The following IGFALS variants were observed in gnomAD, a reference collection of about 807,000 sequenced individuals.
The protein encoded by IGFALS is insulin-like growth factor-binding protein complex acid labile subunit.
In IGFALS, 2 loss-of-function variants were observed where a neutral mutation model predicts 2.6. The observed-to-expected ratio is 0.77, with a 90% CI of 0.32 to 2.44. The LOEUF is 2.44. Among genes scored for constraint, IGFALS ranks in the 30% most tolerant of loss-of-function variants. IGFALS has a pLI of 0.11. For synonymous variants in IGFALS, 519 were observed against 431.9 expected, an observed-to-expected ratio of 1.20 and a Z score of -2.50; for missense variants, 996 against 848.7, an observed-to-expected ratio of 1.17 and a Z score of -2.16.
Position 1,791,496 on chromosome 16 carries a change from G to C in IGFALS, c.922C>G (p.Arg308Gly). 6.2e-7 allele frequency: 1 copy of C among 1,609,916 alleles called. No individual in the cohort carries two copies. Among genetic ancestry groups the C allele is most frequent in the Non-Finnish European group, 8.5e-7 (1 of 1,178,906 alleles). Residue 308 changes from arginine (R) to glycine (G), a missense_variant, in exon 2 of 2, where the codon CGC (arginine) becomes GGC (glycine). By Grantham distance (125) the Arg-to-Gly change is moderately radical. Transcript: ENST00000215539. ...SHNAIASLRP[R>G]TFKDLHFLEE... ...AGGAAGTGCAGGTCCTTGAAGGTGC[G>C]GGGCCGCAGGCTGGCGATGGCGTTG...
chr16:1,792,515 G>T, intron 1 of IGFALS, 114 bp from the exon 2 acceptor site: 2 of 1,432,700 alleles, frequency 1.4e-6, no homozygotes, highest in Non-Finnish European at 9.1e-7. Flanking sequence ...GAGGTCACCC[G>T]CTGAGATGCG....
At chr16:1,794,207 GA>G (rs1423505463), upstream of IGFALS, among the ~76,000 whole-genome samples, 3 of 152,142 alleles carry the variant, frequency 2.0e-5, no homozygotes, top group Non-Finnish European at 4.4e-5. Context: ...GCCTGGGTGG[GA>G]GCTGCCGTTT....
Position 1,791,628 on chromosome 16 carries a change from C to T in IGFALS, c.790G>A (p.Gly264Ser). Residue 264 changes from glycine (G) to serine (S), a missense_variant, in exon 2 of 2, where the codon GGC (glycine) becomes AGC (serine). Transcript: ENST00000215539. ...IAAVAPGAFL[G>S]LKALRWLDLS... is the part of the protein sequence containing the mutation. ...TCCAGCCATCGCAGCGCCTTCAGGC[C>T]CAGGAAGGCGCCCGGGGCCACGGCA... is the stretch of plus-strand genomic sequence containing the variant. The T allele has an allele frequency of 6.4e-7, 1 of 1,574,312 alleles. No individual in the cohort carries two copies.
chr16:1,794,753 GGAAGGGGTGCAGGCGGGGGCACAGCCA>G, upstream of IGFALS: 1 of 682,866 alleles, frequency 1.5e-6, no homozygotes, highest in East Asian at 2.7e-5. Flanking sequence ...GGAAGCAGCC[GGAAGGGGTGCAGGCGGGGGCACAGCCA>G]GGGCTCGGGG....
upstream of IGFALS, chr16:1,794,711 C>T: frequency 1.6e-6 from 1 of 626,566 alleles, no homozygotes; most frequent in South Asian, 1.8e-5. Flanking sequence ...GGGGCCTGCC[C>T]ACCAGTCCCT....
rs1567243083 is a variant in IGFALS, at chr16:1,793,640, T to C, written c.13A>G (p.Lys5Glu). The C allele has an allele frequency of 6.3e-7, 1 of 1,596,592 alleles. No homozygotes were observed. The highest frequency in any genetic ancestry group is 8.5e-7 in the Non-Finnish European group (1 of 1,171,332). Residue 5 changes from lysine (K) to glutamate (E), a missense_variant, in exon 1 of 2, where the codon AAA becomes GAA. Lys to Glu is a moderately conservative substitution (Grantham distance 56). Coordinates refer to ENST00000215539, the MANE Select transcript of IGFALS (RefSeq NM_004970.3). ...GCGGGGCACTCGGGGGCCTCACCTT[T>C]CCTCAGGGCCATCCTGCATGCAGGG... MALRKGGLALALLLL... is the reference protein window; with the variant it reads MALREGGLALALLLL...
rs778369153 is a variant in IGFALS, at chr16:1,790,903, C to T, written c.1515G>A (p.Leu505=). The T allele has an allele frequency of 6.3e-7, 1 of 1,582,358 alleles. No individual in the cohort carries two copies. The highest frequency in any genetic ancestry group is 8.5e-7 in the Non-Finnish European group (1 of 1,169,752). The change falls in exon 2 of 2, where the codon CTG becomes CTA. Residue 505 remains leucine, a synonymous_variant. Transcript: ENST00000215539. ...EALPNSLLAP[L]GRLRYLSLRN... ...TGAGGCTGAGGTAGCGCAGCCGCCC[C>T]AGTGGTGCCAAGAGGCTGTTGGGCA...
At position 1,791,642 on chromosome 16, in the gene IGFALS, G is replaced by A. The variant is rs369236109; in HGVS notation, c.776C>T (p.Pro259Leu). The A allele has an allele frequency of 2.7e-5, 43 of 1,579,084 alleles. No individual in the cohort carries two copies. Among genetic ancestry groups the A allele is most frequent in the Admixed American group, 5.4e-5 (3 of 55,490 alleles). The change falls in exon 2 of 2, where the codon CCG becomes CTG. Residue 259 changes from proline to leucine, a missense_variant. By Grantham distance (98) the Pro-to-Leu change is moderately conservative (BLOSUM62 -3). Coordinates refer to ENST00000215539, the MANE Select transcript of IGFALS (RefSeq NM_004970.3). ...LDRNLIAAVAPGAFLGLKALR... is the reference protein window; with the variant it reads ...LDRNLIAAVALGAFLGLKALR... ...CGCCTTCAGGCCCAGGAAGGCGCCC[G>A]GGGCCACGGCAGCGATGAGGTTGCG...
At chr16:1,792,578 TCCCAC>T in intron 1 of IGFALS, 177 bp from the exon 2 acceptor site, 1 of 1,241,812 alleles carries the variant, frequency 8.1e-7, no homozygotes, top group Non-Finnish European at 1.1e-6. Context: ...ACACTGCGCT[TCCCAC>T]CCCATGGGAC....
chr16:1,790,712 T>TC lies in IGFALS; in HGVS notation c.1705dup (p.Asp569GlyfsTer79). On this transcript the variant is annotated frameshift_variant, in exon 2 of 2. Transcript: ENST00000215539. LOFTEE classifies it low-confidence loss of function (END_TRUNC). Reference sequence around the variant, plus strand: ...GGTGTACGCGGGCGGCTGGCAATCGTCCCCCTCACAGATGGCCTGGACGAA... The same window carrying TC: ...GGTGTACGCGGGCGGCTGGCAATCGTCCCCCCTCACAGATGGCCTGGACGAA... 1 of 1,608,530 alleles carries TC rather than the reference T, an allele frequency of 6.2e-7. No homozygotes were observed. Among genetic ancestry groups the TC allele is most frequent in the Non-Finnish European group, 8.5e-7 (1 of 1,178,272 alleles).
intron 1 of IGFALS, among the ~76,000 whole-genome samples, chr16:1,793,098 G>A (rs1211384112): frequency 2.0e-5 from 3 of 152,236 alleles, no homozygotes; most frequent in Admixed American, 2.0e-4. Context: ...AACCTCTACT[G>A]TATGGCCCCC....
chr16:1,793,315 A>G (rs529595850), intron 1 of IGFALS, among the ~76,000 whole-genome samples: 1 of 152,056 alleles, frequency 6.6e-6, no homozygotes, highest in African/African-American at 2.4e-5. Flanking sequence ...CGGGCCCACA[A>G]CGCGGGCCGT....
At chr16:1,794,315 C>T (rs1407302601), upstream of IGFALS, among the ~76,000 whole-genome samples, 1 of 152,204 alleles carries the variant, frequency 6.6e-6, no homozygotes, top group East Asian at 1.9e-4. Flanking sequence ...CCGCCCCCAG[C>T]CTCTTCTAGG....
chr16:1,794,632 C>A (rs968436779), upstream of IGFALS, among the ~76,000 whole-genome samples: 4 of 152,210 alleles, frequency 2.6e-5, no homozygotes, highest in African/African-American at 9.6e-5. Flanking sequence ...GTCGCTCTCT[C>A]CCCCAGGGCC....
rs1897202456 is a variant in IGFALS at position 1,790,804 on chromosome 16, C to T, written c.1614G>A (p.Trp538Ter). The change falls in exon 2 of 2, where the codon TGG (tryptophan) becomes TGA (stop). Residue 538 changes from tryptophan (W) to a stop codon, truncating the protein, a stop_gained. Coordinates refer to ENST00000215539, the MANE Select transcript of IGFALS (RefSeq NM_004970.3). LOFTEE classifies it low-confidence loss of function (END_TRUNC). ...LERLWLEGNP[W>*]DCGCPLKALR... ...GCGCCTTGAGAGGGCAGCCACAGTC[C>T]CAGGGGTTACCCTCCAGCCACAGGC... 6.4e-7 allele frequency: 1 copy of T among 1,570,516 alleles called. No homozygotes were observed. The highest frequency in any genetic ancestry group is 2.4e-5 in the East Asian group (1 of 42,094).
At position 1,792,097 on chromosome 16, in the gene IGFALS, G is replaced by A. The variant is rs1412267914; in HGVS notation, c.321C>T (p.Gly107=). Residue 107 remains glycine (G), a synonymous_variant, in exon 2 of 2, where the codon GGC becomes GGT. Coordinates refer to ENST00000215539, the MANE Select transcript of IGFALS (RefSeq NM_004970.3). ...LSSLGFLNLQ[G]GQLGSLEPQA... ...GTGGCTCCAGGCTGCCCAGCTGGCCGCCCTGCAGGTTGAGGAAGCCCAGGC... is the reference window on the plus strand; with the variant it reads ...GTGGCTCCAGGCTGCCCAGCTGGCCACCCTGCAGGTTGAGGAAGCCCAGGC... 2.4e-5 allele frequency: 39 copies of A among 1,610,090 alleles called. No individual in the cohort carries two copies. The highest frequency in any genetic ancestry group is 1.6e-4 in the Middle Eastern group (1 of 6,078).
At position 1,790,710 on chromosome 16, in the gene IGFALS, C is replaced by T. The variant is rs143070371; in HGVS notation, c.1708G>A (p.Asp570Asn). 1.5e-3 allele frequency: 2,365 copies of T among 1,608,640 alleles called. 3 individuals are homozygous for T. Among genetic ancestry groups the T allele is most frequent in the Non-Finnish European group, 1.9e-3 (2,205 of 1,178,268 alleles). Residue 570 changes from aspartate (D) to asparagine (N), a missense_variant, in exon 2 of 2, where the codon GAT becomes AAT. By Grantham distance (23) the Asp-to-Asn change is conservative. Coordinates refer to ENST00000215539, the MANE Select transcript of IGFALS (RefSeq NM_004970.3). ...RFVQAICEGD[D>N]CQPPAYTYNN... ...TAGGTGTACGCGGGCGGCTGGCAAT[C>T]GTCCCCCTCACAGATGGCCTGGACG...
chr16:1,794,522 T>C (rs1185679323), upstream of IGFALS, among the ~76,000 whole-genome samples: 1 of 152,092 alleles, frequency 6.6e-6, no homozygotes, highest in Non-Finnish European at 1.5e-5. Flanking sequence ...GCCACAGGAA[T>C]GTGTGCCCAG....
Position 1,791,115 on chromosome 16 carries a change from C to T in IGFALS, c.1303G>A (p.Glu435Lys). The T allele has an allele frequency of 6.2e-7, 1 of 1,602,416 alleles. No individual in the cohort carries two copies. Residue 435 changes from glutamate (E) to lysine (K), a missense_variant, in exon 2 of 2, where the codon GAG (glutamate) becomes AAG (lysine). Physicochemically the swap from Glu to Lys is moderately conservative, Grantham distance 56. Transcript: ENST00000215539. ...IEEQSLWGLA[E>K]LLELDLTSNQ... ...GAGGTCAGGTCGAGCTCCAGCAGCT[C>T]CGCCAGCCCCCACAGGCTCTGCTCC...
Sources: gnomAD v4.1 joint callset for allele counts (sites outside exome capture counted in the v4.1 genomes callset) on GRCh38, gnomAD v4.1.1 for gene constraint, MANE v1.5 for transcripts, NCBI Gene and HGNC (gene_info 2026-07-23, HGNC 2026-07-21) for gene names.